CERS6: variants seen among roughly 807,000 people sequenced by gnomAD.
CERS6 encodes LAG1 homolog, ceramide synthase 6.
A neutral mutation model predicts 56.8 loss-of-function variants in CERS6; 26 were observed. The observed-to-expected ratio is 0.46, with a 90% CI of 0.34 to 0.63. The LOEUF is 0.63. Among genes scored for constraint, CERS6 ranks in the 30% least tolerant of loss-of-function variants. CERS6 has a pLI of 0.01. For synonymous variants in CERS6, 164 were observed against 173.3 expected (o/e 0.95, Z 0.42); for missense variants, 415 against 467.5 (o/e 0.89, Z 1.04).
intron 1 of CERS6, among the ~76,000 whole-genome samples, chr2:168,515,816 C>T (rs1694874789): frequency 6.6e-6 from 1 of 152,182 alleles, no homozygotes; most frequent in South Asian, 2.1e-4. Flanking sequence ...GAGAAATTGT[C>T]TGTACTGTAG....
rs1381684618 is a variant in CERS6, at chr2:168,464,721, C to G, written c.170+8103C>G. Among the ~76,000 whole-genome samples the G allele has an allele frequency of 2.0e-5, 3 of 151,180 alleles. No homozygotes were observed. The East Asian group carries it at 5.8e-4, about 29-fold the overall frequency. ...ATTAAAAAAAAAAAAAACTACTCTA[C>G]TCCTGTAATGGATTATCTAAATTCT... On this transcript the variant is annotated intron_variant, in intron 1 of 9. Coordinates refer to ENST00000305747, the MANE Select transcript of CERS6 (RefSeq NM_203463.3).
intron 1 of CERS6, among the ~76,000 whole-genome samples, chr2:168,472,542 A>G (rs1558962285): frequency 6.6e-6 from 1 of 152,208 alleles, no homozygotes; most frequent in Non-Finnish European, 1.5e-5. Context: ...GTGTTTATGT[A>G]CAAAATCTGA....
At chr2:168,586,619 G>T (rs1683548569) in intron 3 of CERS6, among the ~76,000 whole-genome samples, 1 of 152,074 alleles carries the variant, frequency 6.6e-6, no homozygotes, top group East Asian at 1.9e-4. Context: ...ATTGTTTGGG[G>T]TCCATTTTTT....
chr2:168,476,243 T>G (rs1254307430), intron 1 of CERS6, among the ~76,000 whole-genome samples: 1 of 151,708 alleles, frequency 6.6e-6, no homozygotes, highest in Non-Finnish European at 1.5e-5. Context: ...TTTATCACCT[T>G]GCTCTGTGTA....
chr2:168,481,548 G>A (rs1694178784), intron 1 of CERS6, among the ~76,000 whole-genome samples: 1 of 152,166 alleles, frequency 6.6e-6, no homozygotes, highest in Non-Finnish European at 1.5e-5. Flanking sequence ...GGGCTTCTAG[G>A]TGTAAACACT....
At chr2:168,655,360 C>T (rs1436288673) in intron 4 of CERS6, among the ~76,000 whole-genome samples, 1 of 152,210 alleles carries the variant, frequency 6.6e-6, no homozygotes, top group Non-Finnish European at 1.5e-5. Context: ...CCCTATGACA[C>T]AGCAATCCCT....
chr2:168,712,461 T>A lies in CERS6; in HGVS notation c.610-2540T>A, dbSNP rs141675045. Among the ~76,000 whole-genome samples the A allele has an allele frequency of 2.5e-3, 379 of 152,288 alleles. 1 individual carries two copies. The highest frequency in any genetic ancestry group is 8.5e-3 in the African/African-American group (355 of 41,558). ...GAGTACTTATAAGTGCTTTGTACCT[T>A]TTCCAGTATGATAGATAAAATTAAG... On this transcript the variant is annotated intron_variant, in intron 6 of 9. Transcript: ENST00000305747.
intron 1 of CERS6, among the ~76,000 whole-genome samples, chr2:168,508,620 C>T (rs1694722154): frequency 6.6e-6 from 1 of 151,890 alleles, no homozygotes; most frequent in Non-Finnish European, 1.5e-5. Context: ...AACAGAAAAC[C>T]AAACACCACA....
intron 4 of CERS6, among the ~76,000 whole-genome samples, chr2:168,633,213 GTTC>G (rs1684788578): frequency 6.7e-6 from 1 of 149,494 alleles, no homozygotes; most frequent in Non-Finnish European, 1.5e-5. Flanking sequence ...ACTAGACACT[GTTC>G]TTCTTGTTGA....
chr2:168,686,957 G>C (rs1176542331), intron 4 of CERS6, among the ~76,000 whole-genome samples: 1 of 152,216 alleles, frequency 6.6e-6, no homozygotes, highest in Non-Finnish European at 1.5e-5. Context: ...CCAGAGGGAA[G>C]CAGATCAGGG....
At chr2:168,601,333 G>C (rs894631334) in intron 3 of CERS6, among the ~76,000 whole-genome samples, 1 of 152,110 alleles carries the variant, frequency 6.6e-6, no homozygotes, top group Admixed American at 6.5e-5. Flanking sequence ...GTTTCTCTCT[G>C]TGATGTTAAC....
intron 4 of CERS6, among the ~76,000 whole-genome samples, chr2:168,687,330 TGATACATGGTAAATACCAAAAA>T (rs1393492507): frequency 6.6e-6 from 1 of 152,266 alleles, no homozygotes; most frequent in East Asian, 1.9e-4. Flanking sequence ...GCAAGCTGCC[TGATACATGGTAAATACCAAAAA>T]GATGGAATCA....
chr2:168,591,105 A>G (rs1574085184), intron 3 of CERS6, among the ~76,000 whole-genome samples: 1 of 152,358 alleles, frequency 6.6e-6, no homozygotes, highest in East Asian at 1.9e-4. Context: ...GTCTTTTATT[A>G]TTATAAATGT....
chr2:168,688,129 T>G (rs1436678906), intron 4 of CERS6, among the ~76,000 whole-genome samples: 1 of 152,192 alleles, frequency 6.6e-6, no homozygotes, highest in Non-Finnish European at 1.5e-5. Flanking sequence ...GTACAGAGCT[T>G]TTATTATTAG....
rs1373337901 is a variant in CERS6, at chr2:168,772,885, A to C, written c.*3223A>C. ...AAAGGTTAGGCAAGAAGTGAGATAAAATCAGATCACCTTTGATCAAAATGG... is the reference window on the plus strand; with the variant it reads ...AAAGGTTAGGCAAGAAGTGAGATAACATCAGATCACCTTTGATCAAAATGG... On this transcript the variant is annotated 3_prime_UTR_variant, in exon 10 of 10. Transcript: ENST00000305747. 1 of 152,634 alleles carries C rather than the reference A, an allele frequency of 6.6e-6. No homozygotes were observed. Among genetic ancestry groups the C allele is most frequent in the African/African-American group, 2.4e-5 (1 of 41,456 alleles). 9.5% of individuals were successfully genotyped at this position (152,634 alleles called of 1,614,324 possible).
At chr2:168,758,066 T>A (rs1235256551) in intron 8 of CERS6, among the ~76,000 whole-genome samples, 5 of 152,316 alleles carry the variant, frequency 3.3e-5, no homozygotes, top group Non-Finnish European at 7.3e-5. Flanking sequence ...ACTTTTTTTG[T>A]TCGGAGTGAA....
At chr2:168,753,577 A>G (rs1301989939) in intron 8 of CERS6, among the ~76,000 whole-genome samples, 1 of 152,096 alleles carries the variant, frequency 6.6e-6, no homozygotes, top group Non-Finnish European at 1.5e-5. Flanking sequence ...ACAGGGCGCA[A>G]CTCTTTGTTA....
At chr2:168,686,785 A>G (rs1686364672) in intron 4 of CERS6, among the ~76,000 whole-genome samples, 1 of 152,192 alleles carries the variant, frequency 6.6e-6, no homozygotes, top group Non-Finnish European at 1.5e-5. Flanking sequence ...TTAATTAATT[A>G]CGGTTCCTCT....
At chr2:168,516,467 G>A (rs1480957701) in intron 1 of CERS6, among the ~76,000 whole-genome samples, 1 of 152,142 alleles carries the variant, frequency 6.6e-6, no homozygotes, top group Non-Finnish European at 1.5e-5. Flanking sequence ...TCTAGAGCAA[G>A]ACTAAATGAA....
Sources: gnomAD v4.1 joint callset for allele counts (sites outside exome capture counted in the v4.1 genomes callset) on GRCh38, gnomAD v4.1.1 for gene constraint, MANE v1.5 for transcripts, NCBI Gene and HGNC (gene_info 2026-07-23, HGNC 2026-07-21) for gene names.